The following KRT79 variants were observed in gnomAD, a reference collection of about 807,000 sequenced individuals.
KRT79 encodes keratin 79.
In KRT79, 51 loss-of-function variants were observed where a neutral mutation model predicts 49.0. The ratio of observed to expected loss-of-function variants is 1.04; its 90% CI spans 0.83 to 1.31. The LOEUF (loss-of-function observed/expected upper bound fraction) is 1.31, where lower values mean the gene tolerates loss of function less well. KRT79 is among the 40% of genes most tolerant of loss of function. The pLI, the probability that KRT79 is intolerant of heterozygous loss-of-function variation, is 0.00. For synonymous variants in KRT79, 312 were observed against 286.6 expected (o/e 1.09, Z -0.90); for missense variants, 728 against 688.0 (o/e 1.06, Z -0.65).
Position 52,829,890 on chromosome 12 carries a change from CA to C in KRT79, c.855+132del, listed in dbSNP as rs373235927. ...TGGGTAACACAGCGAAACTCCGTCT[CA>C]AAAAAAAAAGTGTTAAGGTTTCATC... On this transcript the variant is annotated intron_variant, in intron 4 of 8. Coordinates refer to ENST00000330553, the MANE Select transcript of KRT79 (RefSeq NM_175834.3). 6.9e-3 allele frequency: 4,122 copies of C among 600,776 alleles called. 1 individual carries two copies. Among genetic ancestry groups the C allele is most frequent in the South Asian group, 9.5e-3 (423 of 44,346 alleles). 37.2% of individuals were successfully genotyped at this position (600,776 alleles called of 1,614,324 possible). A position where few individuals can be genotyped will look rare whatever the true frequency, so the allele number is the denominator to read the frequency against.
rs755271063 is a variant in KRT79 at position 52,821,852 on chromosome 12, G to T, written c.*20C>A. Reference sequence around the variant, plus strand: ...GGAGGGCAGGGACAGGATTGCAGGGGCCCTTGCAGGGCTCAGCAGCTAATA... The same window carrying T: ...GGAGGGCAGGGACAGGATTGCAGGGTCCCTTGCAGGGCTCAGCAGCTAATA... On this transcript the variant is annotated 3_prime_UTR_variant, in exon 9 of 9. Transcript: ENST00000330553. 5 of 1,608,994 alleles carry T rather than the reference G, an allele frequency of 3.1e-6. No individual in the cohort carries two copies. Among genetic ancestry groups the T allele is most frequent in the Non-Finnish European group, 4.2e-6 (5 of 1,176,848 alleles).
intron 7 of KRT79, 116 bp downstream of exon 7, chr12:52,822,900 C>A: frequency 5.0e-6 from 5 of 1,009,410 alleles, no homozygotes; most frequent in Non-Finnish European, 7.2e-6. Flanking sequence ...CCGCGTGAGT[C>A]AGGATCTTGC....
rs758783545 is a variant in KRT79, at chr12:52,821,931, C to T, written c.1549G>A (p.Ala517Thr). The change falls in exon 9 of 9, where the codon GCG becomes ACG. Residue 517 changes from alanine to threonine, a missense_variant. Transcript: ENST00000330553. ...YSTVKGGPVS[A>T]GTSILRKTTT... is the part of the protein sequence containing the mutation. ...GTCTTCCGCAGGATGGAGGTGCCCG[C>T]AGAGACTGGCCCTCCCTTGACGGTG... 1 of 1,614,178 alleles carries T rather than the reference C, an allele frequency of 6.2e-7. No homozygotes were observed. Among genetic ancestry groups the T allele is most frequent in the South Asian group, 1.1e-5 (1 of 91,090 alleles).
chr12:52,824,016 G>A lies in KRT79; in HGVS notation c.1021-4C>T, dbSNP rs1289224417. 3 of 1,614,042 alleles carry A rather than the reference G, an allele frequency of 1.9e-6. No individual in the cohort carries two copies. Among genetic ancestry groups the A allele is most frequent in the East Asian group, 4.5e-5 (2 of 44,876 alleles). On this transcript the variant is annotated splice_region_variant and splice_polypyrimidine_tract_variant and intron_variant, in intron 5 of 8. Transcript: ENST00000330553. The stretch of plus-strand genomic sequence containing the variant: ...CAGTCACCTGCAGCTCCTCATACTG[G>A]GGACCAAAGAAGTGGCAGTGCGCTT...
chr12:52,832,583 G>A (rs559419478), intron 1 of KRT79, among the ~76,000 whole-genome samples: 1 of 152,158 alleles, frequency 6.6e-6, no homozygotes, highest in South Asian at 2.1e-4. Context: ...CAGTCCCACA[G>A]GAAAACCAAA....
rs1259095828 is a variant in KRT79, at chr12:52,821,816, A to AGGTGGGGTGAGGAG, written c.*42_*55dup. The AGGTGGGGTGAGGAG allele has an allele frequency of 6.7e-7, 1 of 1,491,288 alleles. No homozygotes were observed. The highest frequency in any genetic ancestry group is 9.3e-7 in the Non-Finnish European group (1 of 1,079,002). The allele number at this position is 1,491,288 out of a possible 1,614,324, so 92.4% of individuals were successfully genotyped here. A position where few individuals can be genotyped will look rare whatever the true frequency, so the allele number is the denominator to read the frequency against. ...GAGAAGTGACTGGAAAGGACAGCAGAGGTGGGGTGAGGAGGGCAGGGACAG... is the reference window on the plus strand; with the variant it reads ...GAGAAGTGACTGGAAAGGACAGCAGAGGTGGGGTGAGGAGGGTGGGGTGAGGAGGGCAGGGACAG... On this transcript the variant is annotated 3_prime_UTR_variant, in exon 9 of 9. Coordinates refer to ENST00000330553, the MANE Select transcript of KRT79 (RefSeq NM_175834.3).
At chr12:52,827,739 C>T (rs561879400) in intron 4 of KRT79, among the ~76,000 whole-genome samples, 21 of 152,276 alleles carry the variant, frequency 1.4e-4, no homozygotes, top group African/African-American at 5.1e-4. Flanking sequence ...TACAGAAGAT[C>T]CAGGAAAGGC....
chr12:52,822,979 G>A (rs748820880), intron 7 of KRT79, 37 bp downstream of exon 7: 26 of 1,594,274 alleles, frequency 1.6e-5, no homozygotes, highest in South Asian at 9.0e-5. Flanking sequence ...GGGCAGGCCC[G>A]ACCCAGCTTT....
Position 52,834,099 on chromosome 12 carries a change from T to C in KRT79, c.162A>G (p.Thr54=), listed in dbSNP as rs1266537200. 1 of 1,613,268 alleles carries C rather than the reference T, an allele frequency of 6.2e-7. No individual in the cohort carries two copies. ...SGGGAHCGPG[T]GGFGSRSLYN... is the part of the protein sequence containing the mutation. ...AGAGGCTTCGGCTGCCAAAGCCACC[T>C]GTGCCGGGGCCACAGTGGGCCCCGC... is the stretch of plus-strand genomic sequence containing the variant. Residue 54 remains threonine (T), a synonymous_variant, in exon 1 of 9, where the codon ACA becomes ACG. Transcript: ENST00000330553.
rs879693804 is a variant in KRT79 at position 52,830,041 on chromosome 12, C to T, written c.837G>A (p.Leu279=). ...VGTLTQEIDF[L]QQLYEMELSQ... ...ACCTCACCATTTCATAGAGTTGCTG[C>T]AGGAAGTCAATCTCCTGGGTCAAGG... Residue 279 remains leucine, a synonymous_variant, in exon 4 of 9, where the codon CTG becomes CTA. Transcript: ENST00000330553. 16 of 1,614,184 alleles carry T rather than the reference C, an allele frequency of 9.9e-6. No individual in the cohort carries two copies. Among genetic ancestry groups the T allele is most frequent in the Middle Eastern group, 1.6e-4 (1 of 6,062 alleles).
chr12:52,830,757 T>A (rs1325694029), intron 2 of KRT79, among the ~76,000 whole-genome samples: 1 of 152,230 alleles, frequency 6.6e-6, no homozygotes, highest in East Asian at 1.9e-4. Flanking sequence ...AAGTTATAAA[T>A]ACGCATATCA....
Position 52,830,031 on chromosome 12 carries a change from A to G in KRT79, c.847T>C (p.Tyr283His). 1 of 1,614,132 alleles carries G rather than the reference A, an allele frequency of 6.2e-7. No individual in the cohort carries two copies. The highest frequency in any genetic ancestry group is 8.5e-7 in the Non-Finnish European group (1 of 1,179,954). ...CCCATTGGCCACCTCACCATTTCAT[A>G]GAGTTGCTGCAGGAAGTCAATCTCC... ...TQEIDFLQQL[Y>H]EMELSQVQTH... The change falls in exon 4 of 9, where the codon TAT (tyrosine) becomes CAT (histidine). Residue 283 changes from tyrosine to histidine, a missense_variant. Physicochemically the swap from Tyr to His is moderately conservative, Grantham distance 83. Transcript: ENST00000330553.
chr12:52,829,911 T>A, intron 4 of KRT79, 112 bp downstream of exon 4: 1 of 890,140 alleles, frequency 1.1e-6, no homozygotes, highest in Non-Finnish European at 1.8e-6. Context: ...GTGTTAAGGT[T>A]TCATCTTCCA....
intron 7 of KRT79, 140 bp downstream of exon 7, chr12:52,822,876 A>T (rs1333921783): frequency 1.3e-6 from 1 of 763,232 alleles, no homozygotes; most frequent in Non-Finnish European, 2.1e-6. Flanking sequence ...AGTGGGCACA[A>T]GCAGATTTTC....
chr12:52,831,645 G>T lies in KRT79; in HGVS notation c.478-19C>A. 6.2e-7 allele frequency: 1 copy of T among 1,605,906 alleles called. No individual in the cohort carries two copies. Among genetic ancestry groups the T allele is most frequent in the Non-Finnish European group, 8.5e-7 (1 of 1,173,196 alleles). ...ACCGCACCTGAGCCAGAGCAGAAAG[G>T]GTGGGCTGATGTCACCCTCCGGTCA... is the stretch of plus-strand genomic sequence containing the variant. On this transcript the variant is annotated intron_variant, in intron 1 of 8. Coordinates refer to ENST00000330553, the MANE Select transcript of KRT79 (RefSeq NM_175834.3).
chr12:52,826,372 G>C (rs182898203), intron 4 of KRT79, among the ~76,000 whole-genome samples: 3 of 152,124 alleles, frequency 2.0e-5, no homozygotes, highest in African/African-American at 7.2e-5. Context: ...AATTAGCCAG[G>C]CATGGTGACG....
At chr12:52,826,087 C>T (rs570044723) in intron 4 of KRT79, among the ~76,000 whole-genome samples, 1 of 152,052 alleles carries the variant, frequency 6.6e-6, no homozygotes, top group African/African-American at 2.4e-5. Flanking sequence ...CTTGACGCAT[C>T]CTGCCCCTGC....
At chr12:52,829,035 A>T (rs542208011) in intron 4 of KRT79, among the ~76,000 whole-genome samples, 2 of 152,234 alleles carry the variant, frequency 1.3e-5, no homozygotes, top group Non-Finnish European at 2.9e-5. Context: ...TGCCCTAAAA[A>T]GTAGTGAGCT....
Position 52,823,334 on chromosome 12 carries a change from G to A in KRT79, c.1147-98C>T, listed in dbSNP as rs1441513739. On this transcript the variant is annotated intron_variant, in intron 6 of 8. Coordinates refer to ENST00000330553, the MANE Select transcript of KRT79 (RefSeq NM_175834.3). ...GAGACATCATCATTCCCACATCCCT[G>A]CCCCCAACCAGCTGGGAAAGAGAGA... 4 of 930,850 alleles carry A rather than the reference G, an allele frequency of 4.3e-6. No individual in the cohort carries two copies. The African/African-American group carries it at 4.9e-5, about 11-fold the overall frequency. The allele number at this position is 930,850 out of a possible 1,614,324, so 57.7% of individuals were successfully genotyped here.
Sources: gnomAD v4.1 joint callset for allele counts (sites outside exome capture counted in the v4.1 genomes callset) on GRCh38, gnomAD v4.1.1 for gene constraint, MANE v1.5 for transcripts, NCBI Gene and HGNC (gene_info 2026-07-23, HGNC 2026-07-21) for gene names.